DCDC2: variants seen among roughly 807,000 people sequenced by gnomAD.
DCDC2 encodes doublecortin domain containing 2, also known as doublecortin domain-containing protein 2.
A neutral mutation model predicts 50.2 loss-of-function variants in DCDC2; 40 were observed. The observed-to-expected ratio is 0.80, with a 90% confidence interval of 0.62 to 1.04. DCDC2 has a LOEUF of 1.04. Among genes scored for constraint, DCDC2 ranks in the 50% least tolerant of loss-of-function variants. DCDC2 has a pLI of 0.00. For synonymous variants in DCDC2, 234 were observed against 210.6 expected (o/e 1.11, Z -0.96); for missense variants, 570 against 581.9 (o/e 0.98, Z 0.21).
intron 4 of DCDC2, among the ~76,000 whole-genome samples, chr6:24,293,353 C>T (rs1044347821): frequency 2.0e-5 from 3 of 152,100 alleles, no homozygotes; most frequent in Admixed American, 2.0e-4. Context: ...TTATGGGATG[C>T]TTTTTATATA....
chr6:24,214,289 A>T (rs1306467912), intron 7 of DCDC2, among the ~76,000 whole-genome samples: 1 of 152,208 alleles, frequency 6.6e-6, no homozygotes, highest in Non-Finnish European at 1.5e-5. Flanking sequence ...CCTTAACTTT[A>T]AATAGGTGTA....
the DCDC2 span, among the ~76,000 whole-genome samples, chr6:24,381,803 AAAGGAAGGAAGGAAGGAAGGAAGG>A: frequency 0.02 from 1,315 of 67,274 alleles, 35 homozygotes; most frequent in African/African-American, 0.06. Flanking sequence ...GGAAGGAAAG[AAAGGAAGGAAGGAAGGAAGGAAGG>A]AAGGAAGGAA....
chr6:24,326,632 G>A (rs1759873487), intron 2 of DCDC2, among the ~76,000 whole-genome samples: 1 of 148,868 alleles, frequency 6.7e-6, no homozygotes, highest in Non-Finnish European at 1.5e-5. Context: ...CGAGGCATGT[G>A]GGTCGCTTAA....
intron 8 of DCDC2, among the ~76,000 whole-genome samples, chr6:24,189,031 T>C (rs1761260722): frequency 6.6e-6 from 1 of 152,130 alleles, no homozygotes; most frequent in Non-Finnish European, 1.5e-5. Context: ...ACATTATTAA[T>C]TATAAGTAAT....
chr6:24,352,575 T>C (rs1213287484), intron 2 of DCDC2, among the ~76,000 whole-genome samples: 1 of 152,230 alleles, frequency 6.6e-6, no homozygotes, highest in African/African-American at 2.4e-5. Flanking sequence ...TACAGATTAT[T>C]TGAATAATGA....
At chr6:24,203,590 T>C (rs561634244) in intron 8 of DCDC2, among the ~76,000 whole-genome samples, 47 of 152,270 alleles carry the variant, frequency 3.1e-4, no homozygotes, top group African/African-American at 1.1e-3. Context: ...AGACTTCATA[T>C]GAATAAAACA....
chr6:24,363,500 C>CA, the DCDC2 span, among the ~76,000 whole-genome samples: 483 of 152,184 alleles, frequency 3.2e-3, 3 homozygotes, highest in South Asian at 0.016. Flanking sequence ...GACCCTGTCT[C>CA]AAAAAATCAA....
intron 8 of DCDC2, among the ~76,000 whole-genome samples, chr6:24,179,954 A>AAC (rs1554142618): frequency 7.4e-4 from 3 of 4,028 alleles, no homozygotes; most frequent in African/African-American, 2.7e-3. Context: ...ACTCCATCTC[A>AAC]AAAAAAAAAA....
At chr6:24,330,416 G>C (rs1205523774) in intron 2 of DCDC2, among the ~76,000 whole-genome samples, 1 of 152,034 alleles carries the variant, frequency 6.6e-6, no homozygotes. Flanking sequence ...CAAAGTAAAG[G>C]GTCAGGTCAC....
chr6:24,186,205 T>C (rs1761199392), intron 8 of DCDC2, among the ~76,000 whole-genome samples: 1 of 152,220 alleles, frequency 6.6e-6, no homozygotes, highest in Non-Finnish European at 1.5e-5. Context: ...AAGCAACAAA[T>C]GACTCTATCT....
intron 7 of DCDC2, among the ~76,000 whole-genome samples, chr6:24,212,133 C>T (rs530150851): frequency 1.3e-5 from 2 of 152,152 alleles, no homozygotes; most frequent in South Asian, 4.2e-4. Context: ...CTAGGGTGCA[C>T]GCTCCTTACG....
At chr6:24,316,638 T>G (rs1759673401) in intron 2 of DCDC2, among the ~76,000 whole-genome samples, 2 of 152,164 alleles carry the variant, frequency 1.3e-5, no homozygotes, top group Non-Finnish European at 2.9e-5. Context: ...AATTAATATG[T>G]TTTTTCAAAA....
intron 7 of DCDC2, among the ~76,000 whole-genome samples, chr6:24,261,417 GA>G (rs1406847148): frequency 6.6e-6 from 1 of 151,998 alleles, no homozygotes; most frequent in Non-Finnish European, 1.5e-5. Flanking sequence ...TTCTCTGCCT[GA>G]ATCTCTTCTC....
At chr6:24,194,635 G>A (rs76692824) in intron 8 of DCDC2, among the ~76,000 whole-genome samples, 2,507 of 152,292 alleles carry the variant, frequency 0.016, 53 homozygotes, top group African/African-American at 0.046. Context: ...AAATGGAGCA[G>A]ACTCATTTCT....
intron 1 of DCDC2, among the ~76,000 whole-genome samples, chr6:24,354,794 G>C (rs183252320): frequency 2.6e-5 from 4 of 152,284 alleles, no homozygotes. Context: ...TAAAGGTTGT[G>C]AATGTATGGT....
intron 7 of DCDC2, among the ~76,000 whole-genome samples, chr6:24,238,470 T>C (rs943042745): frequency 1.3e-5 from 2 of 151,592 alleles, no homozygotes; most frequent in African/African-American, 4.9e-5. Flanking sequence ...AGCTAATTTG[T>C]ATATTTTTAG....
chr6:24,291,070 G>A lies in DCDC2; in HGVS notation c.566C>T (p.Thr189Ile). ...ACTCTCAACAAGTTTTCCTTCTAAA[G>A]TATAAAGCCTGTCGAAAATATGAAC... The part of the protein sequence containing the change: ...LRSGAVHRLY[T>I]LEGKLVESGA... Residue 189 changes from threonine (T) to isoleucine (I), a missense_variant, in exon 5 of 10, where the codon ACT (threonine) becomes ATT (isoleucine). By Grantham distance (89) the Thr-to-Ile change is moderately conservative. Transcript: ENST00000378454. 6.2e-7 allele frequency: 1 copy of A among 1,608,128 alleles called. No homozygotes were observed. Among genetic ancestry groups the A allele is most frequent in the Non-Finnish European group, 8.5e-7 (1 of 1,178,658 alleles).
intron 4 of DCDC2, among the ~76,000 whole-genome samples, chr6:24,298,121 G>C (rs1042951605): frequency 2.0e-5 from 3 of 152,180 alleles, no homozygotes; most frequent in Admixed American, 2.0e-4. Context: ...AAATCATCAG[G>C]AATTAGATTC....
At chr6:24,220,895 C>CAGA (rs1762097490) in intron 7 of DCDC2, among the ~76,000 whole-genome samples, 4 of 117,152 alleles carry the variant, frequency 3.4e-5, no homozygotes, top group Admixed American at 8.3e-5. Flanking sequence ...AGAGAGTGAG[C>CAGA]GAGCGAGCGA....
Sources: allele counts gnomAD v4.1 joint callset (sites outside exome capture counted in the v4.1 genomes callset), GRCh38; gene constraint gnomAD v4.1.1; transcripts MANE v1.5; gene names NCBI Gene and HGNC (gene_info 2026-07-23, HGNC 2026-07-21).